Variants in CTDSPL2 observed in about 807,000 individuals in gnomAD.
CTDSPL2 encodes CTD small phosphatase-like protein 2.
CTDSPL2 carries 5 observed loss-of-function variants against 60.0 expected under a neutral mutation model. The ratio of observed to expected loss-of-function variants is 0.08; its 90% CI spans 0.04 to 0.18. The LOEUF (loss-of-function observed/expected upper bound fraction) is 0.18. Ranked by LOEUF, CTDSPL2 falls within the 10% of genes least tolerant of loss-of-function variation. The probability of loss-of-function intolerance (pLI) is 1.00; values close to 1 mark genes in which losing one functional copy is unlikely to be tolerated. For synonymous variants in CTDSPL2, 186 were observed against 189.3 expected (o/e 0.98, Z 0.14); for missense variants, 370 against 548.8 (o/e 0.67, Z 3.26).
At chr15:44,451,496 G>A (rs556632562) in intron 1 of CTDSPL2, among the ~76,000 whole-genome samples, 2 of 152,138 alleles carry the variant, frequency 1.3e-5, no homozygotes, top group Non-Finnish European at 2.9e-5. Context: ...ACTCTTAAGG[G>A]ATCAAGAGTG....
At chr15:44,508,786 G>C (rs1267964536) in intron 8 of CTDSPL2, among the ~76,000 whole-genome samples, 2 of 152,152 alleles carry the variant, frequency 1.3e-5, no homozygotes, top group East Asian at 3.8e-4. Flanking sequence ...AGGCATGGTG[G>C]CGGAGCCCTG....
At chr15:44,523,420 A>G (rs2081819617) in intron 12 of CTDSPL2, among the ~76,000 whole-genome samples, 1 of 151,726 alleles carries the variant, frequency 6.6e-6, no homozygotes, top group East Asian at 1.9e-4. Flanking sequence ...ACATACATAC[A>G]TACATACATA....
At chr15:44,483,431 G>A (rs1332557156) in intron 2 of CTDSPL2, among the ~76,000 whole-genome samples, 4 of 151,940 alleles carry the variant, frequency 2.6e-5, no homozygotes, top group African/African-American at 4.8e-5. Context: ...CCAGCTACTC[G>A]GGAGGCTGAG....
At chr15:44,507,090 T>G (rs1037197535) in intron 8 of CTDSPL2, among the ~76,000 whole-genome samples, 1 of 150,320 alleles carries the variant, frequency 6.7e-6, no homozygotes, top group African/African-American at 2.5e-5. Context: ...TTTTGTTTTT[T>G]TTTTTAAATA....
intron 10 of CTDSPL2, 68 bp downstream of exon 10, chr15:44,514,912 A>AT: frequency 3.1e-6 from 3 of 956,730 alleles, no homozygotes. Flanking sequence ...ATTCTATTTC[A>AT]TTTTAATGGC....
At position 44,443,993 on chromosome 15, in the gene CTDSPL2, C is replaced by A. The variant is rs547573490; in HGVS notation, c.-24-14998C>A. Among the ~76,000 whole-genome samples, 13 of 152,048 alleles carry A rather than the reference C, an allele frequency of 8.5e-5. No individual in the cohort carries two copies. The South Asian group carries it at 2.7e-3, about 32-fold the overall frequency. ...TTGTAGCTCGCTGCACTCTTGAACTCCTGAGTTCAAGGGATCCTCCCACCT... is the reference window on the plus strand; with the variant it reads ...TTGTAGCTCGCTGCACTCTTGAACTACTGAGTTCAAGGGATCCTCCCACCT... On this transcript the variant is annotated intron_variant, in intron 1 of 12. Coordinates refer to ENST00000260327, the MANE Select transcript of CTDSPL2 (RefSeq NM_016396.3).
chr15:44,428,606 C>G (rs927118680), intron 1 of CTDSPL2, among the ~76,000 whole-genome samples: 2 of 152,312 alleles, frequency 1.3e-5, no homozygotes, highest in East Asian at 3.9e-4. Flanking sequence ...TACCTGAGAT[C>G]CTGAAATGAA....
At chr15:44,439,121 A>ATATTAT (rs151096962) in intron 1 of CTDSPL2, among the ~76,000 whole-genome samples, 6,281 of 148,980 alleles carry the variant, frequency 0.042, 262 homozygotes, top group East Asian at 0.22. Context: ...CCCAAGCTTT[A>ATATTAT]TATTATTATT....
chr15:44,496,399 T>C lies in CTDSPL2; in HGVS notation c.711T>C (p.Ser237=), dbSNP rs547920729. The C allele has an allele frequency of 2.5e-6, 4 of 1,613,434 alleles. No individual in the cohort carries two copies. The African/African-American group carries it at 4.0e-5, about 16-fold the overall frequency. ...AAATAGCACCAGTAACTCCAGATAG[T>C]GGTTATTCATCAGCCCACGCGGAGG... The part of the protein sequence containing the change: ...PPLTAPVTPD[S]GYSSAHAEAT... The change falls in exon 6 of 13, where the codon AGT becomes AGC. Residue 237 remains serine (S), a synonymous_variant. Coordinates refer to ENST00000260327, the MANE Select transcript of CTDSPL2 (RefSeq NM_016396.3).
Position 44,524,432 on chromosome 15 carries a change from C to T in CTDSPL2, c.*258C>T, listed in dbSNP as rs1187784987. ...CCAGTGAAATTTTTTATGTACAGGA[C>T]ATCTGCAGTTTATAAAGAATTCTGT... On this transcript the variant is annotated 3_prime_UTR_variant, in exon 13 of 13. Coordinates refer to ENST00000260327, the MANE Select transcript of CTDSPL2 (RefSeq NM_016396.3). 4 of 389,040 alleles carry T rather than the reference C, an allele frequency of 1.0e-5. No individual in the cohort carries two copies. Among genetic ancestry groups the T allele is most frequent in the Non-Finnish European group, 1.9e-5 (4 of 216,118 alleles). 24.1% of individuals were successfully genotyped at this position (389,040 alleles called of 1,614,324 possible). A position where few individuals can be genotyped will look rare whatever the true frequency, so the allele number is the denominator to read the frequency against.
intron 2 of CTDSPL2, among the ~76,000 whole-genome samples, chr15:44,468,658 T>C (rs1190038406): frequency 1.3e-5 from 2 of 152,242 alleles, no homozygotes; most frequent in Non-Finnish European, 1.5e-5. Context: ...CTGTTGCAGC[T>C]ACTATTCAAC....
At chr15:44,454,724 A>T (rs1031874843) in intron 1 of CTDSPL2, among the ~76,000 whole-genome samples, 1 of 152,168 alleles carries the variant, frequency 6.6e-6, no homozygotes, top group Non-Finnish European at 1.5e-5. Context: ...TTTCTCAAAG[A>T]TCAGATGGTT....
At chr15:44,473,619 G>A (rs2080855940) in intron 2 of CTDSPL2, among the ~76,000 whole-genome samples, 1 of 152,068 alleles carries the variant, frequency 6.6e-6, no homozygotes, top group African/African-American at 2.4e-5. Context: ...TCTTATATGA[G>A]TTTTATACTT....
At chr15:44,496,257 CA>C (rs1555437576) in intron 5 of CTDSPL2, 122 bp from the exon 6 acceptor site, 1 of 647,012 alleles carries the variant, frequency 1.5e-6, no homozygotes, top group Non-Finnish European at 2.6e-6. Flanking sequence ...TAGGTGTTTA[CA>C]AGTTATTTCT....
intron 2 of CTDSPL2, among the ~76,000 whole-genome samples, chr15:44,461,572 CCTTTT>C (rs1222069600): frequency 6.8e-6 from 1 of 148,040 alleles, no homozygotes; most frequent in Non-Finnish European, 1.5e-5. Context: ...AGTTTCTCTC[CCTTTT>C]TTTTTTTTTT....
intron 1 of CTDSPL2, among the ~76,000 whole-genome samples, chr15:44,441,942 C>T (rs929597919): frequency 1.3e-5 from 2 of 152,050 alleles, no homozygotes; most frequent in African/African-American, 2.4e-5. Context: ...TAGTTTAGAC[C>T]AAAGGAAAGG....
intron 10 of CTDSPL2, among the ~76,000 whole-genome samples, chr15:44,515,360 A>T (rs1043196479): frequency 3.3e-5 from 5 of 152,176 alleles, no homozygotes; most frequent in African/African-American, 1.2e-4. Flanking sequence ...GACTGGACTC[A>T]GTTCCTTGTG....
intron 1 of CTDSPL2, among the ~76,000 whole-genome samples, chr15:44,436,866 A>G (rs2079990975): frequency 6.6e-6 from 1 of 152,180 alleles, no homozygotes; most frequent in Non-Finnish European, 1.5e-5. Flanking sequence ...CAGGTTGAGT[A>G]TCCCTCATCC....
intron 1 of CTDSPL2, among the ~76,000 whole-genome samples, chr15:44,456,877 TG>T (rs761292127): frequency 8.8e-5 from 13 of 148,420 alleles, no homozygotes; most frequent in East Asian, 3.9e-4. Flanking sequence ...TTTTTTTTTT[TG>T]TTTTTTTTTC....
Sources: gnomAD v4.1 joint callset for allele counts (sites outside exome capture counted in the v4.1 genomes callset) on GRCh38, gnomAD v4.1.1 for gene constraint, MANE v1.5 for transcripts, NCBI Gene and HGNC (gene_info 2026-07-23, HGNC 2026-07-21) for gene names.